Variants in PDZRN3 observed in about 807,000 individuals in gnomAD.
PDZRN3 encodes E3 ubiquitin-protein ligase PDZRN3.
PDZRN3 carries 38 observed loss-of-function variants against 85.7 expected under a neutral mutation model. The ratio of observed to expected loss-of-function variants is 0.44; its 90% CI spans 0.34 to 0.58. The LOEUF (loss-of-function observed/expected upper bound fraction) is 0.58. Ranked by LOEUF, PDZRN3 falls within the 20% of genes least tolerant of loss-of-function variation. The probability of loss-of-function intolerance (pLI) is 0.01; values close to 1 mark genes in which losing one functional copy is unlikely to be tolerated. For missense variants in PDZRN3, 1,629 were observed against 1,506.4 expected (o/e 1.08, Z -1.35); for synonymous variants, 759 against 638.0 (o/e 1.19, Z -2.86).
intron 3 of PDZRN3, among the ~76,000 whole-genome samples, chr3:73,545,959 G>A (rs1701414451): frequency 6.6e-6 from 1 of 152,086 alleles, no homozygotes; most frequent in African/African-American, 2.4e-5. Context: ...TCACCATCCG[G>A]CTCTGCCACT....
intron 3 of PDZRN3, chr3:73,561,480 A>C (rs761011205): frequency 7.9e-5 from 12 of 152,360 alleles, no homozygotes; most frequent in Non-Finnish European, 1.5e-4. Flanking sequence ...TCAGAAGTCT[A>C]GAGCTTCCAG....
intron 3 of PDZRN3, among the ~76,000 whole-genome samples, chr3:73,552,743 A>G (rs2106808845): frequency 6.6e-6 from 1 of 152,354 alleles, no homozygotes; most frequent in Admixed American, 6.5e-5. Flanking sequence ...TAGTCCTTGG[A>G]AGAAGTATGA....
At chr3:73,411,381 G>T (rs926907220) in intron 3 of PDZRN3, among the ~76,000 whole-genome samples, 4 of 152,156 alleles carry the variant, frequency 2.6e-5, no homozygotes, top group African/African-American at 9.7e-5. Flanking sequence ...GCTTTTCTTG[G>T]ATAACTGATT....
At chr3:73,536,172 T>A (rs1009019571) in intron 3 of PDZRN3, among the ~76,000 whole-genome samples, 24 of 152,250 alleles carry the variant, frequency 1.6e-4, no homozygotes, top group Admixed American at 1.1e-3. Flanking sequence ...TAATAGGTCT[T>A]GGCATCTGCT....
At chr3:73,618,488 T>G (rs1702799928) in intron 1 of PDZRN3, among the ~76,000 whole-genome samples, 1 of 152,058 alleles carries the variant, frequency 6.6e-6, no homozygotes, top group Non-Finnish European at 1.5e-5. Context: ...CTACTCCCAT[T>G]AAAAAAAGAG....
intron 3 of PDZRN3, among the ~76,000 whole-genome samples, chr3:73,464,314 A>G (rs1161006562): frequency 6.6e-6 from 1 of 152,018 alleles, no homozygotes; most frequent in Non-Finnish European, 1.5e-5. Context: ...TAATTCCTAG[A>G]TACTTCATGG....
chr3:73,490,275 T>C (rs1368365919), intron 3 of PDZRN3, among the ~76,000 whole-genome samples: 2 of 152,204 alleles, frequency 1.3e-5, no homozygotes, highest in African/African-American at 4.8e-5. Flanking sequence ...AAGTTAATGC[T>C]GACCGTTCTG....
At chr3:73,479,232 G>C (rs1304939441) in intron 3 of PDZRN3, among the ~76,000 whole-genome samples, 2 of 152,076 alleles carry the variant, frequency 1.3e-5, no homozygotes, top group African/African-American at 2.4e-5. Flanking sequence ...CTGCCACTCT[G>C]AGCATCCATG....
chr3:73,500,527 G>A (rs766129301), intron 3 of PDZRN3, among the ~76,000 whole-genome samples: 1 of 152,060 alleles, frequency 6.6e-6, no homozygotes, highest in Admixed American at 6.6e-5. Flanking sequence ...TAATCACCAT[G>A]GCTCCACTCT....
At chr3:73,453,835 G>T (rs905253263) in intron 3 of PDZRN3, among the ~76,000 whole-genome samples, 4 of 152,064 alleles carry the variant, frequency 2.6e-5, no homozygotes, top group Admixed American at 6.6e-5. Flanking sequence ...CATTCTTTTT[G>T]ATCTCTTTCC....
rs887505792 is a variant in PDZRN3 at position 73,565,736 on chromosome 3, G to A, written c.918+36618C>T. ...GTGGATCACCTGAGGTCAGGAGTTC[G>A]AGACCGGCCTGGCCAACATAGTGAA... is the stretch of plus-strand genomic sequence containing the variant. On this transcript the variant is annotated intron_variant, in intron 3 of 9. Coordinates refer to ENST00000263666, the MANE Select transcript of PDZRN3 (RefSeq NM_015009.3). Among the ~76,000 whole-genome samples the A allele has an allele frequency of 4.0e-5, 6 of 151,620 alleles. No homozygotes were observed. In the East Asian group the frequency reaches 7.8e-4, roughly 20 times the overall value.
At chr3:73,475,230 A>C (rs527766280) in intron 3 of PDZRN3, among the ~76,000 whole-genome samples, 1 of 152,302 alleles carries the variant, frequency 6.6e-6, no homozygotes, top group East Asian at 1.9e-4. Context: ...AGACCCTGCA[A>C]AAACCCTCCA....
chr3:73,585,673 A>T (rs1441987776), intron 3 of PDZRN3, among the ~76,000 whole-genome samples: 6 of 152,198 alleles, frequency 3.9e-5, no homozygotes, highest in Non-Finnish European at 8.8e-5. Flanking sequence ...ATGGATGGAA[A>T]TTCTGTGACA....
intron 3 of PDZRN3, among the ~76,000 whole-genome samples, chr3:73,416,433 G>A (rs890464468): frequency 6.6e-5 from 10 of 151,542 alleles, no homozygotes; most frequent in African/African-American, 2.4e-4. Context: ...ACTAGATCAC[G>A]CCATACCGAC....
chr3:73,402,949 T>C (rs1701781938), intron 4 of PDZRN3, among the ~76,000 whole-genome samples: 1 of 147,496 alleles, frequency 6.8e-6, no homozygotes, highest in Non-Finnish European at 1.5e-5. Context: ...AGCTTTTTTT[T>C]TTTTTTTTTT....
chr3:73,397,295 C>G (rs1402336584), intron 5 of PDZRN3, among the ~76,000 whole-genome samples: 1 of 152,200 alleles, frequency 6.6e-6, no homozygotes, highest in East Asian at 1.9e-4. Context: ...ACTAGCTGTT[C>G]TTTGGAAGGC....
chr3:73,580,852 C>A (rs1285794642), intron 3 of PDZRN3, among the ~76,000 whole-genome samples: 1 of 152,212 alleles, frequency 6.6e-6, no homozygotes, highest in African/African-American at 2.4e-5. Context: ...TTTTGTGTTA[C>A]TGCTATTTTC....
chr3:73,613,349 C>T (rs1271748851), intron 1 of PDZRN3, among the ~76,000 whole-genome samples: 1 of 152,078 alleles, frequency 6.6e-6, no homozygotes, highest in Non-Finnish European at 1.5e-5. Flanking sequence ...AACATGGTCA[C>T]ACCTGGAAGG....
intron 3 of PDZRN3, among the ~76,000 whole-genome samples, chr3:73,563,013 A>ATATATATATTTTT (rs1187151191): frequency 1.6e-4 from 7 of 43,780 alleles, no homozygotes; most frequent in Non-Finnish European, 1.5e-4. Context: ...ATATATATAT[A>ATATATATATTTTT]TTTTTTTTTT....
Sources: gnomAD v4.1 joint callset for allele counts (sites outside exome capture counted in the v4.1 genomes callset) on GRCh38, gnomAD v4.1.1 for gene constraint, MANE v1.5 for transcripts, NCBI Gene and HGNC (gene_info 2026-07-23, HGNC 2026-07-21) for gene names.